The following SLC1A5 variants were observed in gnomAD, a reference collection of about 807,000 sequenced individuals.
The protein encoded by SLC1A5 is solute carrier family 1 member 5.
A neutral mutation model predicts 34.9 loss-of-function variants in SLC1A5; 25 were observed. The observed-to-expected ratio is 0.72, with a 90% confidence interval of 0.52 to 1.00. SLC1A5 has a LOEUF of 1.00. SLC1A5 is among the 50% of genes least tolerant of loss of function. The probability of loss-of-function intolerance (pLI) is 0.00; values close to 1 mark genes in which losing one functional copy is unlikely to be tolerated. For missense variants in SLC1A5, 637 were observed against 740.0 expected, an observed-to-expected ratio of 0.86 and a Z score of 1.61; for synonymous variants, 351 against 341.2, an observed-to-expected ratio of 1.03 and a Z score of -0.32.
intron 1 of SLC1A5, among the ~76,000 whole-genome samples, chr19:46,785,755 A>C (rs1470329972): frequency 6.6e-6 from 1 of 152,214 alleles, no homozygotes; most frequent in African/African-American, 2.4e-5. Flanking sequence ...CCACCCATGC[A>C]TCACGGTACA....
intron 1 of SLC1A5, among the ~76,000 whole-genome samples, chr19:46,785,502 T>C (rs1568431040): frequency 6.6e-6 from 1 of 152,150 alleles, no homozygotes; most frequent in Non-Finnish European, 1.5e-5. Context: ...TAATCACTAT[T>C]ACCCCATTTT....
In SLC1A5 at chr19:46,788,164, C is replaced by T; in HGVS notation, c.-199G>A. 1.8e-6 allele frequency: 1 copy of T among 568,382 alleles called. No individual in the cohort carries two copies. Among genetic ancestry groups the T allele is most frequent in the Non-Finnish European group, 3.0e-6 (1 of 330,806 alleles). 35.2% of individuals were successfully genotyped at this position (568,382 alleles called of 1,614,324 possible). On this transcript the variant is annotated 5_prime_UTR_variant, in exon 1 of 8. Coordinates refer to ENST00000542575, the MANE Select transcript of SLC1A5 (RefSeq NM_005628.3). ...AGCTGGAGTGTTTAAATTCCCCAGG[C>T]TGGGCGCTGAGGCTTCTCTGCTCTG...
intron 7 of SLC1A5, 130 bp from the exon 8 acceptor site, chr19:46,775,877 A>C: frequency 1.1e-6 from 1 of 941,628 alleles, no homozygotes; most frequent in South Asian, 2.1e-5. Flanking sequence ...AGTTGGAGTC[A>C]GCCTGGGCAA....
chr19:46,775,996 G>T (rs1323530002), intron 7 of SLC1A5, among the ~76,000 whole-genome samples: 1 of 151,810 alleles, frequency 6.6e-6, no homozygotes, highest in South Asian at 2.1e-4. Context: ...CAGGAGGATC[G>T]CTGGAGCCTG....
At chr19:46,782,342 T>TTCCAACCCCCCCCCCC in intron 4 of SLC1A5, 41 bp downstream of exon 4, 1 of 523,366 alleles carries the variant, frequency 1.9e-6, no homozygotes. Context: ...AGACCGACCC[T>TTCCAACCCCCCCCCCC]CCAACCCCAC....
At position 46,788,287 on chromosome 19, in the gene SLC1A5, G is replaced by T; in HGVS notation, c.-322C>A. 3.1e-6 allele frequency: 1 copy of T among 322,680 alleles called. No homozygotes were observed. Among genetic ancestry groups the T allele is most frequent in the Non-Finnish European group, 5.7e-6 (1 of 176,868 alleles). The allele number at this position is 322,680 out of a possible 1,614,324, so 20.0% of individuals were successfully genotyped here. ...CGAGAGTTTCTCTGGGTGGGACGTG[G>T]GGCCCTTGGCTCCAGGAGGTTGAGT... On this transcript the variant is annotated 5_prime_UTR_variant, in exon 1 of 8. Coordinates refer to ENST00000542575, the MANE Select transcript of SLC1A5 (RefSeq NM_005628.3).
chr19:46,775,052 AACACACACAC>A lies in SLC1A5; in HGVS notation c.*448_*457del, dbSNP rs55753437. ...GTACCATGGGGACAGGAGGTCACAG[AACACACACAC>A]ACACACACACACACACACACACACA... On this transcript the variant is annotated 3_prime_UTR_variant, in exon 8 of 8. Transcript: ENST00000542575. 0.2 allele frequency: 187,831 copies of A among 960,552 alleles called. 3,082 individuals carry two copies. Among genetic ancestry groups the A allele is most frequent in the East Asian group, 0.25 (2,099 of 8,398 alleles). The allele number at this position is 960,552 out of a possible 1,614,324, so 59.5% of individuals were successfully genotyped here. A position where few individuals can be genotyped will look rare whatever the true frequency, so the allele number is the denominator to read the frequency against.
At chr19:46,786,125 T>C (rs912063439) in intron 1 of SLC1A5, among the ~76,000 whole-genome samples, 11 of 151,580 alleles carry the variant, frequency 7.3e-5, no homozygotes, top group African/African-American at 2.7e-4. Flanking sequence ...GTGTATTGTG[T>C]GCTCTTGAGC....
At position 46,782,905 on chromosome 19, in the gene SLC1A5, G is replaced by C. The variant is rs913152645; in HGVS notation, c.658-356C>G. Among the ~76,000 whole-genome samples, 18 of 152,162 alleles carry C rather than the reference G, an allele frequency of 1.2e-4. 1 individual carries two copies. The highest frequency in any genetic ancestry group is 1.0e-3 in the Admixed American group (16 of 15,264). ...AAGAAGGGTGGTAGAAAGATCTACAGAGAGGAAGCAGAATGTGCAACAGCC... is the reference window on the plus strand; with the variant it reads ...AAGAAGGGTGGTAGAAAGATCTACACAGAGGAAGCAGAATGTGCAACAGCC... On this transcript the variant is annotated intron_variant, in intron 3 of 7. Coordinates refer to ENST00000542575, the MANE Select transcript of SLC1A5 (RefSeq NM_005628.3).
chr19:46,784,805 G>A lies in SLC1A5; in HGVS notation c.567-246C>T, dbSNP rs1408210787. ...GGCGTGCTAGCCCTGAGGCATTGTG[G>A]GTTCGGGGTGAGGAATGCTGGCCTC... On this transcript the variant is annotated intron_variant, in intron 1 of 7. Transcript: ENST00000542575. The A allele has an allele frequency of 2.8e-6, 4 of 1,423,456 alleles. No homozygotes were observed. The African/African-American group carries it at 5.8e-5, about 21-fold the overall frequency. The allele number at this position is 1,423,456 out of a possible 1,614,324, so 88.2% of individuals were successfully genotyped here. A position where few individuals can be genotyped will look rare whatever the true frequency, so the allele number is the denominator to read the frequency against.
At position 46,787,152 on chromosome 19, in the gene SLC1A5, A is replaced by C; in HGVS notation, c.566+248T>G. On this transcript the variant is annotated intron_variant, in intron 1 of 7. Transcript: ENST00000542575. The surrounding 1 kb of genome is among the most constrained non-coding windows in gnomAD (Gnocchi z 5.2). The stretch of plus-strand genomic sequence containing the variant: ...AGGCAGACCCTCCTATGTCTCCCCA[A>C]ATCACTTTCTTCTCCCTCTATAAGA... 8.6e-7 allele frequency: 1 copy of C among 1,167,084 alleles called. No individual in the cohort carries two copies. The allele number at this position is 1,167,084 out of a possible 1,614,324, so 72.3% of individuals were successfully genotyped here.
chr19:46,782,544 G>T lies in SLC1A5; in HGVS notation c.663C>A (p.Pro221=). The T allele has an allele frequency of 6.2e-7, 1 of 1,613,908 alleles. No individual in the cohort carries two copies. Among genetic ancestry groups the T allele is most frequent in the Non-Finnish European group, 8.5e-7 (1 of 1,179,988 alleles). The change falls in exon 4 of 8, where the codon CCC becomes CCA. Residue 221 remains proline, a synonymous_variant. Transcript: ENST00000542575. ...RNITGTRVKV[P]VGQEVEGMNI... ...TCATCCCCTCCACCTCCTGCCCCAC[G>T]GGCACCTGTGGGCAAGGAACAGATC...
Position 46,775,059 on chromosome 19 carries a change from A to G in SLC1A5, c.*451T>C. ...GGGGACAGGAGGTCACAGAACACACACACACACACACACACACACACACAC... is the reference window on the plus strand; with the variant it reads ...GGGGACAGGAGGTCACAGAACACACGCACACACACACACACACACACACAC... On this transcript the variant is annotated 3_prime_UTR_variant, in exon 8 of 8. Transcript: ENST00000542575. The G allele has an allele frequency of 1.0e-5, 1 of 98,806 alleles. No homozygotes were observed. The highest frequency in any genetic ancestry group is 1.2e-5 in the Non-Finnish European group (1 of 80,926). The allele number at this position is 98,806 out of a possible 1,614,324, so 6.1% of individuals were successfully genotyped here. A position where few individuals can be genotyped will look rare whatever the true frequency, so the allele number is the denominator to read the frequency against.
At chr19:46,782,351 A>ACCCCACCCCCCC in intron 4 of SLC1A5, 32 bp downstream of exon 4, 1 of 256,186 alleles carries the variant, frequency 3.9e-6, no homozygotes, top group Non-Finnish European at 7.0e-6. Flanking sequence ...CTCCAACCCC[A>ACCCCACCCCCCC]CCCACCCCCA....
At chr19:46,776,825 T>C in intron 7 of SLC1A5, 150 bp downstream of exon 7, 1 of 821,102 alleles carries the variant, frequency 1.2e-6, no homozygotes, top group Non-Finnish European at 1.9e-6. Context: ...TTCCTTGCCC[T>C]CAGGAATGCT....
Position 46,787,826 on chromosome 19 carries a change from C to A in SLC1A5, c.140G>T (p.Arg47Leu). Residue 47 changes from arginine to leucine, a missense_variant, in exon 1 of 8, where the codon CGC becomes CTC. Coordinates refer to ENST00000542575, the MANE Select transcript of SLC1A5 (RefSeq NM_005628.3). This position sits in a 1 kb window ranked among gnomAD's most constrained non-coding sequence, Gnocchi z 5.2. ...CACAAGCAGGTTGGCTCGAAGGCAG[C>A]GGCGCACCTGGTCCCGGGAACCGCA... ...GYCGSRDQVR[R>L]CLRANLLVLL... 1 of 1,551,532 alleles carries A rather than the reference C, an allele frequency of 6.4e-7. No homozygotes were observed. Among genetic ancestry groups the A allele is most frequent in the Non-Finnish European group, 8.7e-7 (1 of 1,148,376 alleles).
At position 46,775,505 on chromosome 19, in the gene SLC1A5, G is replaced by A. The variant is rs529969003; in HGVS notation, c.*5C>T. ...CAGCAGGGCAGGGAAGGTCCCTCCC[G>A]GGGTTTACATGACTGATTCCTTCTC... On this transcript the variant is annotated 3_prime_UTR_variant, in exon 8 of 8. Transcript: ENST00000542575. 1.8e-5 allele frequency: 29 copies of A among 1,602,154 alleles called. No homozygotes were observed. Among genetic ancestry groups the A allele is most frequent in the Middle Eastern group, 1.7e-4 (1 of 5,968 alleles).
rs1478322863 is a variant in SLC1A5, at chr19:46,782,436, G to A, written c.771C>T (p.Arg257=). The change falls in exon 4 of 8, where the codon CGC becomes CGT. Residue 257 remains arginine, a synonymous_variant. Coordinates refer to ENST00000542575, the MANE Select transcript of SLC1A5 (RefSeq NM_005628.3). ...TGGCCTCATTGAAGGAGTTGAAGAA[G>A]CGGATAAGCAGCTCCCCTTCAGGCC... ...KLGPEGELLI[R]FFNSFNEATM... The A allele has an allele frequency of 4.0e-6, 6 of 1,518,980 alleles. No individual in the cohort carries two copies. In the African/African-American group the frequency reaches 5.8e-5, roughly 15 times the overall value. 94.1% of individuals were successfully genotyped at this position (1,518,980 alleles called of 1,614,324 possible).
At position 46,775,275 on chromosome 19, in the gene SLC1A5, G is replaced by T; in HGVS notation, c.*235C>A. ...TATTTCTCCATCTTGCTGTTTTCTA[G>T]CCTTGAGTTGGGGACATGAGTGAGA... On this transcript the variant is annotated 3_prime_UTR_variant, in exon 8 of 8. Transcript: ENST00000542575. 1 of 1,275,686 alleles carries T rather than the reference G, an allele frequency of 7.8e-7. No individual in the cohort carries two copies. The highest frequency in any genetic ancestry group is 9.9e-7 in the Non-Finnish European group (1 of 1,008,022). The allele number at this position is 1,275,686 out of a possible 1,614,324, so 79.0% of individuals were successfully genotyped here.
Sources: allele counts gnomAD v4.1 joint callset (sites outside exome capture counted in the v4.1 genomes callset), GRCh38; gene constraint gnomAD v4.1.1; non-coding constraint Gnocchi (gnomAD v3.1); transcripts MANE v1.5; gene names NCBI Gene and HGNC (gene_info 2026-07-23, HGNC 2026-07-21).